The following PLCG2 variants were observed in gnomAD, a reference collection of about 807,000 sequenced individuals.
PLCG2 encodes phospholipase C gamma 2, also known as 1-phosphatidylinositol 4,5-bisphosphate phosphodiesterase gamma-2.
PLCG2 carries 69 observed loss-of-function variants against 175.6 expected under a neutral mutation model. The ratio of observed to expected loss-of-function variants is 0.39; its 90% confidence interval spans 0.32 to 0.48. PLCG2 has a LOEUF of 0.48. Among genes scored for constraint, PLCG2 ranks in the 20% least tolerant of loss-of-function variants. The probability of loss-of-function intolerance (pLI) is 0.91; values close to 1 mark genes in which losing one functional copy is unlikely to be tolerated. For synonymous variants in PLCG2, 827 were observed against 624.0 expected, an observed-to-expected ratio of 1.33 and a Z score of -4.85; for missense variants, 1,798 against 1,650.9, an observed-to-expected ratio of 1.09 and a Z score of -1.54.
intron 31 of PLCG2, among the ~76,000 whole-genome samples, chr16:81,946,682 C>T (rs1418849458): frequency 6.6e-6 from 1 of 152,152 alleles, no homozygotes. Context: ...AATCACCCCC[C>T]AAGCTGAGCA....
chr16:81,847,127 A>G (rs12933559), intron 2 of PLCG2, among the ~76,000 whole-genome samples: 61,960 of 152,004 alleles, frequency 0.41, 13,220 homozygotes, highest in Non-Finnish European at 0.47. Context: ...CACTCCTTGG[A>G]TTTGATTAAT....
rs1207824312 is a variant in PLCG2 at position 81,910,553 on chromosome 16, C to A, written c.1767C>A (p.Arg589=). 5 of 1,614,152 alleles carry A rather than the reference C, an allele frequency of 3.1e-6. No homozygotes were observed. The highest frequency in any genetic ancestry group is 2.5e-6 in the Non-Finnish European group (3 of 1,180,006). The change falls in exon 18 of 33, where the codon CGC becomes CGA. Residue 589 remains arginine (R), a synonymous_variant. Coordinates refer to ENST00000564138, the MANE Select transcript of PLCG2 (RefSeq NM_002661.5). ...GCCGGGTCCAGCACTGCCGGATCCGCTCCACCATGGAGGGCGGGACCCTGA... is the reference window on the plus strand; with the variant it reads ...GCCGGGTCCAGCACTGCCGGATCCGATCCACCATGGAGGGCGGGACCCTGA... ...RSGRVQHCRI[R]STMEGGTLKY...
chr16:81,811,093 A>C (rs1016039387), intron 2 of PLCG2, among the ~76,000 whole-genome samples: 1 of 152,018 alleles, frequency 6.6e-6, no homozygotes. Flanking sequence ...AATGACCCTG[A>C]GGTGTTCAGT....
chr16:81,874,557 G>A (rs540517994), intron 7 of PLCG2, among the ~76,000 whole-genome samples: 36 of 152,324 alleles, frequency 2.4e-4, no homozygotes, highest in African/African-American at 8.4e-4. Flanking sequence ...TGGAAGCACA[G>A]GGCAGAGAAA....
In PLCG2 at chr16:81,796,386, C is replaced by G. The variant is rs1352964531; in HGVS notation, c.193+10204C>G. Among the ~76,000 whole-genome samples, 4 of 152,242 alleles carry G rather than the reference C, an allele frequency of 2.6e-5. No homozygotes were observed. The East Asian group carries it at 7.7e-4, about 29-fold the overall frequency. On this transcript the variant is annotated intron_variant, in intron 2 of 32. Transcript: ENST00000564138. The stretch of plus-strand genomic sequence containing the variant: ...TGGGCCATGCCTTTTAAAGCCAGCA[C>G]ACATGAGCAGGCTGCTTTGGAGATC...
At chr16:81,860,101 G>A (rs1265787512) in intron 5 of PLCG2, among the ~76,000 whole-genome samples, 1 of 151,150 alleles carries the variant, frequency 6.6e-6, no homozygotes, top group African/African-American at 2.4e-5. Context: ...CTCCTGAGTA[G>A]CTGGGAACTA....
rs1270745521 is a variant in PLCG2, at chr16:81,959,398, A to T, written c.*1400A>T. 2 of 221,268 alleles carry T rather than the reference A, an allele frequency of 9.0e-6. No individual in the cohort carries two copies. Among genetic ancestry groups the T allele is most frequent in the African/African-American group, 4.5e-5 (2 of 44,672 alleles). The allele number at this position is 221,268 out of a possible 1,614,324, so 13.7% of individuals were successfully genotyped here. Reference sequence around the variant, plus strand: ...CCTTCTGGTCCCTTCACTCTACAAAAACTTACTGATCACCTCCACATGCCA... The same window carrying T: ...CCTTCTGGTCCCTTCACTCTACAAATACTTACTGATCACCTCCACATGCCA... On this transcript the variant is annotated 3_prime_UTR_variant, in exon 33 of 33. Transcript: ENST00000564138.
At chr16:81,901,693 G>C (rs568294490) in intron 14 of PLCG2, among the ~76,000 whole-genome samples, 3 of 152,204 alleles carry the variant, frequency 2.0e-5, no homozygotes, top group Non-Finnish European at 2.9e-5. Context: ...ACCAGCAGAA[G>C]TCATGAGTGT....
At chr16:81,945,293 G>T (rs1382211443) in intron 30 of PLCG2, among the ~76,000 whole-genome samples, 2 of 152,226 alleles carry the variant, frequency 1.3e-5, no homozygotes, top group African/African-American at 2.4e-5. Context: ...ATTACTTGGA[G>T]AATCAGTAGA....
chr16:81,752,602 G>A (rs575913458), intron 1 of PLCG2, among the ~76,000 whole-genome samples: 2 of 152,214 alleles, frequency 1.3e-5, no homozygotes, highest in African/African-American at 4.8e-5. Context: ...CAAAGGAGGG[G>A]CTGGGAGAGG....
intron 3 of PLCG2, among the ~76,000 whole-genome samples, chr16:81,856,700 A>C (rs1906703208): frequency 6.6e-6 from 1 of 152,214 alleles, no homozygotes. Flanking sequence ...GGGAAGCTGA[A>C]TACTGCCCTC....
chr16:81,767,189 C>T (rs995746417), intron 2 of PLCG2, among the ~76,000 whole-genome samples: 5 of 140,156 alleles, frequency 3.6e-5, no homozygotes, highest in African/African-American at 5.3e-5. Context: ...CTATCACCCA[C>T]GCTGGAGTGC....
At chr16:81,940,478 G>C (rs1442474282) in intron 30 of PLCG2, among the ~76,000 whole-genome samples, 2 of 152,004 alleles carry the variant, frequency 1.3e-5, no homozygotes, top group Admixed American at 6.6e-5. Flanking sequence ...TAACAATCTC[G>C]AGGGTCCAAC....
At position 81,786,089 on chromosome 16, in the gene PLCG2, C is replaced by T. The variant is rs770382676; in HGVS notation, c.100C>T (p.Arg34Cys). The T allele has an allele frequency of 9.9e-6, 16 of 1,614,158 alleles. No homozygotes were observed. The highest frequency in any genetic ancestry group is 2.2e-5 in the East Asian group (1 of 44,880). ...LGTVMTVFSFRKSTPERRTVQ... is the reference protein window; with the variant it reads ...LGTVMTVFSFCKSTPERRTVQ... Reference sequence around the variant, plus strand: ...GACGGTGATGACTGTGTTCAGCTTCCGCAAGTCCACCCCCGAGCGGAGAAC... The same window carrying T: ...GACGGTGATGACTGTGTTCAGCTTCTGCAAGTCCACCCCCGAGCGGAGAAC... The change falls in exon 2 of 33, where the codon CGC (arginine) becomes TGC (cysteine). Residue 34 changes from arginine (R) to cysteine (C), a missense_variant. Arg to Cys is a radical substitution (Grantham distance 180, BLOSUM62 -3). Coordinates refer to ENST00000564138, the MANE Select transcript of PLCG2 (RefSeq NM_002661.5).
chr16:81,888,605 G>C (rs1192193813), intron 9 of PLCG2, among the ~76,000 whole-genome samples: 1 of 152,138 alleles, frequency 6.6e-6, no homozygotes, highest in Non-Finnish European at 1.5e-5. Context: ...GAAACTGTGT[G>C]GTAGATACTC....
chr16:81,750,792 C>T (rs1426770906), intron 1 of PLCG2, among the ~76,000 whole-genome samples: 1 of 149,210 alleles, frequency 6.7e-6, no homozygotes, highest in Non-Finnish European at 1.5e-5. Context: ...CTCAGCCTCC[C>T]GAGTACTTGG....
rs1256824662 is a variant in PLCG2 at position 81,910,664 on chromosome 16, G to A, written c.1878G>A (p.Glu626=). Residue 626 remains glutamate (E), a synonymous_variant, in exon 18 of 33, where the codon GAG becomes GAA. Transcript: ENST00000564138. Reference sequence around the variant, plus strand: ...GCGAGACGCACCTGCGCTGCGCCGAGTTCGAGCTGCGGCTCACGGACCCTG... The same window carrying A: ...GCGAGACGCACCTGCGCTGCGCCGAATTCGAGCTGCGGCTCACGGACCCTG... The part of the protein sequence containing the change: ...HYRETHLRCA[E]FELRLTDPVP... 1 of 1,613,534 alleles carries A rather than the reference G, an allele frequency of 6.2e-7. No individual in the cohort carries two copies. The highest frequency in any genetic ancestry group is 1.1e-5 in the South Asian group (1 of 91,090).
chr16:81,843,193 A>G (rs1410994823), intron 2 of PLCG2, among the ~76,000 whole-genome samples: 1 of 152,172 alleles, frequency 6.6e-6, no homozygotes, highest in East Asian at 1.9e-4. Flanking sequence ...GTGTTGTTTC[A>G]GTCACTATGA....
intron 2 of PLCG2, among the ~76,000 whole-genome samples, chr16:81,823,278 C>G (rs1429887865): frequency 6.6e-6 from 1 of 152,232 alleles, no homozygotes; most frequent in Non-Finnish European, 1.5e-5. Flanking sequence ...CTCTGGTGAG[C>G]CCCTGTGGCC....
Sources: gnomAD v4.1 joint callset for allele counts (sites outside exome capture counted in the v4.1 genomes callset) on GRCh38, gnomAD v4.1.1 for gene constraint, MANE v1.5 for transcripts, NCBI Gene and HGNC (gene_info 2026-07-23, HGNC 2026-07-21) for gene names.